The following ZNF790 variants were observed in gnomAD, a reference collection of about 807,000 sequenced individuals.
ZNF790 encodes zinc finger protein 790.
Under a neutral mutation model 12.1 loss-of-function variants are expected in ZNF790, and 8 were observed. The ratio of observed to expected loss-of-function variants is 0.66; its 90% CI spans 0.39 to 1.19. The LOEUF (loss-of-function observed/expected upper bound fraction) is 1.19. Among genes scored for constraint, ZNF790 ranks in the 50% most tolerant of loss-of-function variants. ZNF790 has a pLI of 0.01. For synonymous variants in ZNF790, 252 were observed against 244.3 expected (o/e 1.03, Z -0.29); for missense variants, 707 against 752.2 (o/e 0.94, Z 0.70).
In ZNF790 at chr19:36,818,435, A is replaced by G; in HGVS notation, c.1909T>C (p.Ter637ArgextTer4). The G allele has an allele frequency of 2.6e-6, 4 of 1,533,912 alleles. No individual in the cohort carries two copies. The highest frequency in any genetic ancestry group is 2.6e-6 in the Non-Finnish European group (3 of 1,139,454). Residue 637 changes from the stop codon to arginine (R), a stop_lost, in exon 5 of 5, where the codon TGA becomes CGA. Coordinates refer to ENST00000356725, the MANE Select transcript of ZNF790 (RefSeq NM_206894.4). Reference protein sequence around the residue: ...SSSSHFISLL* With the variant: ...SSSSHFISLLR Reference sequence around the variant, plus strand: ...TTCCTACACTTTTATATAATATTTCACAAGAGTGAAATGAAGTGAGAGCTT... The same window carrying G: ...TTCCTACACTTTTATATAATATTTCGCAAGAGTGAAATGAAGTGAGAGCTT...
intron 1 of ZNF790, among the ~76,000 whole-genome samples, chr19:36,844,042 C>T (rs968001931): frequency 9.3e-5 from 14 of 150,462 alleles, no homozygotes; most frequent in South Asian, 2.1e-4. Context: ...AAAAAAAGGC[C>T]GGGCAGGGTG....
At chr19:36,832,128 C>T (rs192978704) in intron 1 of ZNF790, among the ~76,000 whole-genome samples, 2 of 152,248 alleles carry the variant, frequency 1.3e-5, no homozygotes, top group East Asian at 3.9e-4. Context: ...TTAGGAAATA[C>T]TGTTGACATG....
In ZNF790 at chr19:36,818,279, TCTGCTG is replaced by T. The variant is rs10564276; in HGVS notation, c.*148_*153del. On this transcript the variant is annotated 3_prime_UTR_variant, in exon 5 of 5. Transcript: ENST00000356725. ...CCTATATTGATTGCATGATGAATTC[TCTGCTG>T]CTGCTGCTGCTGCTGCTGCTGGATG... The T allele has an allele frequency of 0.011, 4,817 of 451,710 alleles. No individual in the cohort carries two copies. Among genetic ancestry groups the T allele is most frequent in the South Asian group, 0.019 (298 of 16,020 alleles). 28.0% of individuals were successfully genotyped at this position (451,710 alleles called of 1,614,324 possible). A position where few individuals can be genotyped will look rare whatever the true frequency, so the allele number is the denominator to read the frequency against.
At position 36,820,102 on chromosome 19, in the gene ZNF790, C is replaced by G. The variant is rs1226517402; in HGVS notation, c.242G>C (p.Arg81Thr). 6 of 1,601,514 alleles carry G rather than the reference C, an allele frequency of 3.7e-6. No individual in the cohort carries two copies. The highest frequency in any genetic ancestry group is 5.1e-6 in the Non-Finnish European group (6 of 1,178,050). The change falls in exon 5 of 5, where the codon AGG (arginine) becomes ACG (threonine). Residue 81 changes from arginine to threonine, a missense_variant. Transcript: ENST00000356725. ...TGGTAATAACTTCTTGGTCTGACAC[C>G]TCGACTGCATGTCTGAAAAATAAGA... ...TRGPCPDMQS[R>T]CQTKKLLPKN...
intron 4 of ZNF790, among the ~76,000 whole-genome samples, chr19:36,822,625 C>G (rs1479306309): frequency 6.6e-6 from 1 of 152,250 alleles, no homozygotes. Flanking sequence ...ACTGCAACTT[C>G]TGCCTCCAAG....
Position 36,819,577 on chromosome 19 carries a change from C to A in ZNF790, c.767G>T (p.Cys256Phe), listed in dbSNP as rs201559319. The A allele has an allele frequency of 6.2e-7, 1 of 1,611,022 alleles. No individual in the cohort carries two copies. Among genetic ancestry groups the A allele is most frequent in the Non-Finnish European group, 8.5e-7 (1 of 1,178,412 alleles). ...TCTAAAGGCTTTCCCACAATCCTTACATTTAAAAGGTTTCTCACCGGTATG... is the reference window on the plus strand; with the variant it reads ...TCTAAAGGCTTTCCCACAATCCTTAAATTTAAAAGGTTTCTCACCGGTATG... ...RIHTGEKPFK[C>F]KDCGKAFRFH... The change falls in exon 5 of 5, where the codon TGT (cysteine) becomes TTT (phenylalanine). Residue 256 changes from cysteine to phenylalanine, a missense_variant. By Grantham distance (205) the Cys-to-Phe change is radical (BLOSUM62 -2). Coordinates refer to ENST00000356725, the MANE Select transcript of ZNF790 (RefSeq NM_206894.4).
intron 1 of ZNF790, among the ~76,000 whole-genome samples, chr19:36,849,527 T>G (rs2072220475): frequency 1.3e-5 from 2 of 152,074 alleles, no homozygotes; most frequent in Non-Finnish European, 2.9e-5. Flanking sequence ...TTAAACTACT[T>G]GGAGTACTCA....
intron 1 of ZNF790, among the ~76,000 whole-genome samples, chr19:36,834,871 AAGC>A (rs1161558741): frequency 1.3e-5 from 2 of 152,264 alleles, no homozygotes; most frequent in African/African-American, 4.8e-5. Flanking sequence ...ACAAAAAAAT[AAGC>A]AGAGGCCATG....
upstream of ZNF790, among the ~76,000 whole-genome samples, chr19:36,840,305 G>T (rs547946332): frequency 6.6e-6 from 1 of 152,228 alleles, no homozygotes; most frequent in South Asian, 2.1e-4. Flanking sequence ...TTCACTGGGA[G>T]GCTCACAGTG....
At chr19:36,834,772 A>G (rs1450468640) in intron 1 of ZNF790, among the ~76,000 whole-genome samples, 1 of 152,222 alleles carries the variant, frequency 6.6e-6, no homozygotes, top group African/African-American at 2.4e-5. Context: ...CTTCCTGATT[A>G]TTCATGAGAA....
chr19:36,838,796 C>T (rs1568343017), upstream of ZNF790, among the ~76,000 whole-genome samples: 1 of 152,196 alleles, frequency 6.6e-6, no homozygotes, highest in Non-Finnish European at 1.5e-5. This position sits in a 1 kb window ranked among gnomAD's most constrained non-coding sequence, Gnocchi z 4.4. Context: ...TCAGTAGGAG[C>T]TCGCTGCGTG....
Position 36,818,423 on chromosome 19 carries a change from A to G in ZNF790, c.*10T>C. 2.0e-6 allele frequency: 3 copies of G among 1,520,606 alleles called. No individual in the cohort carries two copies. Among genetic ancestry groups the G allele is most frequent in the Non-Finnish European group, 2.6e-6 (3 of 1,133,596 alleles). The allele number at this position is 1,520,606 out of a possible 1,614,324, so 94.2% of individuals were successfully genotyped here. On this transcript the variant is annotated 3_prime_UTR_variant, in exon 5 of 5. Coordinates refer to ENST00000356725, the MANE Select transcript of ZNF790 (RefSeq NM_206894.4). ...TGAATAAAGCCCTTCCTACACTTTTATATAATATTTCACAAGAGTGAAATG... is the reference window on the plus strand; with the variant it reads ...TGAATAAAGCCCTTCCTACACTTTTGTATAATATTTCACAAGAGTGAAATG...
At chr19:36,837,026 C>A (rs2146081888) in intron 1 of ZNF790, among the ~76,000 whole-genome samples, 1 of 152,234 alleles carries the variant, frequency 6.6e-6, no homozygotes, top group Non-Finnish European at 1.5e-5. Flanking sequence ...CTCAAGAAAT[C>A]ATCTTTCACT....
At chr19:36,844,607 T>C (rs1401145293) in intron 1 of ZNF790, among the ~76,000 whole-genome samples, 1 of 151,420 alleles carries the variant, frequency 6.6e-6, no homozygotes, top group Non-Finnish European at 1.5e-5. Context: ...ACAGCAACCA[T>C]AGATTCAAGA....
At chr19:36,839,788 C>G (rs552880684), upstream of ZNF790, among the ~76,000 whole-genome samples, 1 of 152,052 alleles carries the variant, frequency 6.6e-6, no homozygotes, top group Admixed American at 6.6e-5. Flanking sequence ...CTCAGCTGGA[C>G]GCGGTGGCTC....
chr19:36,843,965 C>A lies in ZNF790; in HGVS notation c.-74+6037G>T, dbSNP rs2072152280. The stretch of plus-strand genomic sequence containing the variant: ...GAGGGTGCAGTGAGCCGAGATTGCA[C>A]CATTGCACTCCAGCCTTGGCAACAA... On this transcript the variant is annotated intron_variant, in intron 1 of 4. Coordinates refer to the ZNF790 transcript ENST00000528994. Among the ~76,000 whole-genome samples, 3 of 147,312 alleles carry A rather than the reference C, an allele frequency of 2.0e-5. No individual in the cohort carries two copies. In the Admixed American group the frequency reaches 2.1e-4, roughly 10 times the overall value.
chr19:36,845,284 C>T (rs947990325), intron 1 of ZNF790, among the ~76,000 whole-genome samples: 48 of 151,640 alleles, frequency 3.2e-4, no homozygotes, highest in African/African-American at 1.1e-3. Context: ...GGCGTGGTGG[C>T]GCACACCTGC....
In ZNF790 at chr19:36,819,443, G is replaced by A. The variant is rs1181519758; in HGVS notation, c.901C>T (p.Gln301Ter). Residue 301 changes from glutamine (Q) to a stop codon, truncating the protein, a stop_gained, in exon 5 of 5, where the codon CAG becomes TAG. Transcript: ENST00000356725. LOFTEE classifies it low-confidence loss of function (END_TRUNC). ...GGTTTTTCACCAGTATGAATTCTCT[G>A]ATGTCGAGTAAGATCTGAGCCACAA... ...FSCGSDLTRH[Q>*]RIHTGEKPYE... 5.0e-6 allele frequency: 8 copies of A among 1,609,756 alleles called. No homozygotes were observed. In the Admixed American group the frequency reaches 5.1e-5, roughly 10 times the overall value.
Position 36,818,779 on chromosome 19 carries a change from G to T in ZNF790, c.1565C>A (p.Thr522Asn). Residue 522 changes from threonine (T) to asparagine (N), a missense_variant, in exon 5 of 5, where the codon ACT becomes AAT. Thr to Asn is a moderately conservative substitution (Grantham distance 65). Transcript: ENST00000356725. The stretch of plus-strand genomic sequence containing the variant: ...ACCAGTATGCATTCTCTGATGTCGA[G>T]TAAGTTGTGAACCCCAGAGAAAGGC... Reference protein sequence around the residue: ...GKAFLWGSQLTRHQRMHTGEE... With the variant: ...GKAFLWGSQLNRHQRMHTGEE... 1 of 1,610,108 alleles carries T rather than the reference G, an allele frequency of 6.2e-7. No homozygotes were observed. Among genetic ancestry groups the T allele is most frequent in the Non-Finnish European group, 8.5e-7 (1 of 1,178,462 alleles).
Sources: allele counts gnomAD v4.1 joint callset (sites outside exome capture counted in the v4.1 genomes callset), GRCh38; gene constraint gnomAD v4.1.1; non-coding constraint Gnocchi (gnomAD v3.1); transcripts MANE v1.5; gene names NCBI Gene and HGNC (gene_info 2026-07-23, HGNC 2026-07-21).